The following COMMD10 variants were observed in gnomAD, a reference collection of about 807,000 sequenced individuals.
The protein encoded by COMMD10 is COMM domain-containing protein 10.
COMMD10 carries 33 observed loss-of-function variants against 28.9 expected under a neutral mutation model. The observed-to-expected ratio is 1.14, with a 90% CI of 0.87 to 1.53. COMMD10 has a LOEUF of 1.53. Ranked by LOEUF, COMMD10 falls within the 40% of genes most tolerant of loss-of-function variation. The pLI is 0.00. For missense variants in COMMD10, 310 were observed against 233.4 expected (o/e 1.33, Z -2.14); for synonymous variants, 110 against 81.7 (o/e 1.35, Z -1.87).
intron 5 of COMMD10, among the ~76,000 whole-genome samples, chr5:116,263,284 T>C (rs1750498216): frequency 6.6e-6 from 1 of 151,812 alleles, no homozygotes; most frequent in African/African-American, 2.4e-5. Flanking sequence ...TAGAGAGTCA[T>C]GCCCTACAAA....
chr5:116,218,656 G>A (rs1262299180), intron 5 of COMMD10, among the ~76,000 whole-genome samples: 3 of 152,096 alleles, frequency 2.0e-5, no homozygotes, highest in Non-Finnish European at 4.4e-5. Flanking sequence ...AATTTTCTTG[G>A]AAGCAAGGAA....
intron 4 of COMMD10, among the ~76,000 whole-genome samples, chr5:116,129,222 T>A (rs1199640371): frequency 6.6e-6 from 1 of 151,254 alleles, no homozygotes; most frequent in Admixed American, 6.6e-5. Flanking sequence ...ATATATTCTT[T>A]ATCCTGATTC....
At chr5:116,222,733 C>T (rs955903344) in intron 5 of COMMD10, among the ~76,000 whole-genome samples, 6 of 152,042 alleles carry the variant, frequency 3.9e-5, no homozygotes, top group African/African-American at 1.4e-4. Flanking sequence ...GCTCTGTTGC[C>T]CAGGCTGGAA....
intron 5 of COMMD10, among the ~76,000 whole-genome samples, chr5:116,173,838 G>GTT (rs201419186): frequency 1.7e-5 from 2 of 118,922 alleles, no homozygotes; most frequent in African/African-American, 7.4e-5. Flanking sequence ...GTTTTGTTTT[G>GTT]TTTTGTTTTT....
intron 4 of COMMD10, among the ~76,000 whole-genome samples, chr5:116,106,348 G>A (rs1169939655): frequency 6.6e-6 from 1 of 152,102 alleles, no homozygotes; most frequent in Admixed American, 6.6e-5. Context: ...GTCCGACAGA[G>A]TGTTTATTAA....
intron 5 of COMMD10, among the ~76,000 whole-genome samples, chr5:116,280,625 ATGAC>A (rs1751044668): frequency 6.6e-6 from 1 of 151,822 alleles, no homozygotes; most frequent in Non-Finnish European, 1.5e-5. Context: ...TGTTTACTGA[ATGAC>A]TGAATATAGT....
chr5:116,292,553 A>G lies in COMMD10; in HGVS notation c.*64A>G. 2 of 1,383,518 alleles carry G rather than the reference A, an allele frequency of 1.4e-6. No individual in the cohort carries two copies. Among genetic ancestry groups the G allele is most frequent in the Non-Finnish European group, 2.0e-6 (2 of 1,006,782 alleles). 85.7% of individuals were successfully genotyped at this position (1,383,518 alleles called of 1,614,324 possible). A position where few individuals can be genotyped will look rare whatever the true frequency, so the allele number is the denominator to read the frequency against. ...CCTCATTATTTTGCATTGAAGATAC[A>G]TTGCCAGGTTGTGTTTTCTGAAGGA... On this transcript the variant is annotated 3_prime_UTR_variant, in exon 7 of 7. Coordinates refer to ENST00000274458, the MANE Select transcript of COMMD10 (RefSeq NM_016144.4).
intron 5 of COMMD10, among the ~76,000 whole-genome samples, chr5:116,286,142 G>T (rs1751213423): frequency 6.6e-6 from 1 of 151,634 alleles, no homozygotes; most frequent in African/African-American, 2.4e-5. Flanking sequence ...CAACTTGTTA[G>T]CAAACAGTTG....
chr5:116,128,457 A>G (rs1005209543), intron 4 of COMMD10, among the ~76,000 whole-genome samples: 2 of 152,092 alleles, frequency 1.3e-5, no homozygotes, highest in African/African-American at 4.8e-5. Context: ...TAATAAAGAA[A>G]TTACATTAAT....
intron 5 of COMMD10, among the ~76,000 whole-genome samples, chr5:116,256,422 C>G (rs1360645593): frequency 1.3e-5 from 2 of 151,664 alleles, no homozygotes; most frequent in Admixed American, 1.3e-4. Flanking sequence ...ACTGTAACTC[C>G]TTGTATTTTG....
chr5:116,246,356 T>C (rs774557666), intron 5 of COMMD10, among the ~76,000 whole-genome samples: 9 of 151,990 alleles, frequency 5.9e-5, no homozygotes, highest in Non-Finnish European at 8.8e-5. Context: ...GAAAAACATT[T>C]CATGCTCATG....
At chr5:116,153,936 A>G (rs1752619407) in intron 5 of COMMD10, among the ~76,000 whole-genome samples, 1 of 152,086 alleles carries the variant, frequency 6.6e-6, no homozygotes, top group Non-Finnish European at 1.5e-5. Context: ...TGGAGCACTT[A>G]GAATACTAGA....
intron 5 of COMMD10, among the ~76,000 whole-genome samples, chr5:116,157,472 T>C (rs528495830): frequency 1.3e-5 from 2 of 152,280 alleles, no homozygotes; most frequent in Admixed American, 1.3e-4. Flanking sequence ...GTGGACTTTA[T>C]GTCGGTTATC....
At chr5:116,177,008 G>A (rs538158967) in intron 5 of COMMD10, among the ~76,000 whole-genome samples, 8 of 152,276 alleles carry the variant, frequency 5.3e-5, no homozygotes, top group African/African-American at 1.9e-4. Flanking sequence ...GCCAGAGTTG[G>A]TCTGTAGTTG....
At position 116,129,713 on chromosome 5, in the gene COMMD10, A is replaced by G. The variant is rs1323796811; in HGVS notation, c.400-4355A>G. Among the ~76,000 whole-genome samples the G allele has an allele frequency of 4.3e-5, 3 of 69,126 alleles. 1 individual carries two copies. The highest frequency in any genetic ancestry group is 8.4e-5 in the Non-Finnish European group (3 of 35,846). The allele number at this position is 69,126 out of a possible 152,430, so 45.3% of individuals were successfully genotyped here. A position where few individuals can be genotyped will look rare whatever the true frequency, so the allele number is the denominator to read the frequency against. ...TATACTATGTAATATACATTAGTGT[A>G]TATATATACTATATACTATGTGATA... On this transcript the variant is annotated intron_variant, in intron 4 of 6. Coordinates refer to ENST00000274458, the MANE Select transcript of COMMD10 (RefSeq NM_016144.4).
At chr5:116,257,353 A>C (rs946171532) in intron 5 of COMMD10, among the ~76,000 whole-genome samples, 1 of 151,750 alleles carries the variant, frequency 6.6e-6, no homozygotes, top group Non-Finnish European at 1.5e-5. Context: ...CTTGTTGTCT[A>C]CTGAGTAAAA....
At chr5:116,163,730 TATA>T (rs1297050616) in intron 5 of COMMD10, among the ~76,000 whole-genome samples, 1 of 152,238 alleles carries the variant, frequency 6.6e-6, no homozygotes, top group Non-Finnish European at 1.5e-5. Flanking sequence ...ATTCTTTTAT[TATA>T]AAGCACTAAG....
At chr5:116,214,829 G>C (rs1749057059) in intron 5 of COMMD10, among the ~76,000 whole-genome samples, 1 of 152,026 alleles carries the variant, frequency 6.6e-6, no homozygotes, top group Non-Finnish European at 1.5e-5. Context: ...AATCAAAGCA[G>C]TGTGTAGCAA....
At chr5:116,186,463 A>G (rs142798162) in intron 5 of COMMD10, among the ~76,000 whole-genome samples, 36 of 152,108 alleles carry the variant, frequency 2.4e-4, no homozygotes, top group African/African-American at 4.8e-4. Context: ...TGCAGGTTCT[A>G]TCCTTTAACT....
Sources: allele counts gnomAD v4.1 joint callset (sites outside exome capture counted in the v4.1 genomes callset), GRCh38; gene constraint gnomAD v4.1.1; transcripts MANE v1.5; gene names NCBI Gene and HGNC (gene_info 2026-07-23, HGNC 2026-07-21).